Variants in HLCS observed in about 807,000 individuals in gnomAD.
HLCS encodes holocarboxylase synthetase, also known as biotin--protein ligase.
HLCS carries 53 observed loss-of-function variants against 75.0 expected under a neutral mutation model. That is an observed-to-expected ratio of 0.71 (90% CI 0.57 to 0.89). HLCS has a LOEUF of 0.89. HLCS is among the 40% of genes least tolerant of loss of function. HLCS has a pLI of 0.00. For missense variants in HLCS, 966 were observed against 1,074.0 expected, an observed-to-expected ratio of 0.90 and a Z score of 1.41; for synonymous variants, 431 against 428.6, an observed-to-expected ratio of 1.01 and a Z score of -0.07.
chr21:36,789,757 C>G (rs2060802466), intron 6 of HLCS, among the ~76,000 whole-genome samples: 4 of 152,246 alleles, frequency 2.6e-5, no homozygotes. Flanking sequence ...AGATTTTAAT[C>G]TACGAATTAA....
chr21:36,883,688 C>A (rs2064325726), intron 6 of HLCS, among the ~76,000 whole-genome samples: 1 of 152,114 alleles, frequency 6.6e-6, no homozygotes, highest in South Asian at 2.1e-4. Flanking sequence ...AAGCACCTGT[C>A]TTCCTTGGTA....
At position 36,960,018 on chromosome 21, in the gene HLCS, G is replaced by C. The variant is rs182788895; in HGVS notation, c.330+2018C>G. Among the ~76,000 whole-genome samples the C allele has an allele frequency of 4.3e-3, 655 of 151,940 alleles. 3 individuals are homozygous for C. Among genetic ancestry groups the C allele is most frequent in the African/African-American group, 0.014 (597 of 41,358 alleles). On this transcript the variant is annotated intron_variant, in intron 2 of 10. Transcript: ENST00000674895. ...CCTCTTTGGGGCTCTGCGGTTCCCA[G>C]CGTCTCCATGCTTCCAGGTGCCACC...
At chr21:36,863,964 G>C (rs772652282) in intron 6 of HLCS, among the ~76,000 whole-genome samples, 1 of 152,166 alleles carries the variant, frequency 6.6e-6, no homozygotes, top group Non-Finnish European at 1.5e-5. Flanking sequence ...AAAGTTTTCC[G>C]TCTAAGCTAG....
chr21:36,896,600 A>T, intron 6 of HLCS: 1 of 529,952 alleles, frequency 1.9e-6, no homozygotes, highest in Non-Finnish European at 3.4e-6. Flanking sequence ...ATCAAAGAAC[A>T]TTCTGAGGGC....
intron 2 of HLCS, among the ~76,000 whole-genome samples, chr21:36,953,970 C>T (rs1052521312): frequency 2.0e-5 from 3 of 151,952 alleles, no homozygotes; most frequent in East Asian, 3.9e-4. Context: ...CTGGTGATGC[C>T]GGTGTACACA....
rs145445039 is a variant in HLCS at position 36,838,826 on chromosome 21, A to C, written c.1892+58034T>G. On this transcript the variant is annotated intron_variant, in intron 6 of 10. Coordinates refer to ENST00000674895, the MANE Select transcript of HLCS (RefSeq NM_001352514.2). ...ATAGCCACAAGCCAAGGAATGCCTA[A>C]AGCCACAAGAAGCTGGAAGGGGCAA... is the stretch of plus-strand genomic sequence containing the variant. Among the ~76,000 whole-genome samples the C allele has an allele frequency of 1.4e-3, 218 of 152,326 alleles. 2 individuals carry two copies. Among genetic ancestry groups the C allele is most frequent in the African/African-American group, 5.1e-3 (210 of 41,582 alleles).
At chr21:36,764,651 G>A (rs190486998) in intron 8 of HLCS, among the ~76,000 whole-genome samples, 2 of 152,310 alleles carry the variant, frequency 1.3e-5, no homozygotes, top group East Asian at 1.9e-4. Context: ...GTTGCAGTGA[G>A]CCGAGATAGT....
chr21:36,881,435 G>A (rs890387914), intron 6 of HLCS, among the ~76,000 whole-genome samples: 2 of 152,166 alleles, frequency 1.3e-5, no homozygotes, highest in Non-Finnish European at 2.9e-5. Context: ...CAATTACTCA[G>A]CCACCACTAC....
chr21:36,882,919 C>A (rs111234526), intron 6 of HLCS, among the ~76,000 whole-genome samples: 2,521 of 152,286 alleles, frequency 0.017, 45 homozygotes, highest in South Asian at 0.032. Context: ...CTTCTCATCT[C>A]CTTGCCCTTC....
rs34407031 is a variant in HLCS at position 36,816,395 on chromosome 21, C to CAA, written c.1893-49112_1893-49111dup. On this transcript the variant is annotated intron_variant, in intron 6 of 10. Coordinates refer to ENST00000674895, the MANE Select transcript of HLCS (RefSeq NM_001352514.2). The stretch of plus-strand genomic sequence containing the variant: ...TGGGTGACAAAGGAAGACCCTATCT[C>CAA]AAAAAAAAAAAAAATGTGACTGTCA... Among the ~76,000 whole-genome samples the CAA allele has an allele frequency of 8.7e-3, 1,236 of 142,080 alleles. 13 individuals carry two copies. The highest frequency in any genetic ancestry group is 0.026 in the African/African-American group (995 of 39,002). 93.2% of individuals were successfully genotyped at this position (142,080 alleles called of 152,430 possible). A position where few individuals can be genotyped will look rare whatever the true frequency, so the allele number is the denominator to read the frequency against.
intron 4 of HLCS, among the ~76,000 whole-genome samples, chr21:36,935,298 G>A (rs2066829445): frequency 1.3e-5 from 2 of 152,216 alleles, no homozygotes; most frequent in East Asian, 1.9e-4. Context: ...TGGGCTGTAC[G>A]TGTTCATCTG....
chr21:36,831,580 G>A lies in HLCS; in HGVS notation c.1893-64295C>T, dbSNP rs537228916. Among the ~76,000 whole-genome samples, 3 of 152,166 alleles carry A rather than the reference G, an allele frequency of 2.0e-5. No homozygotes were observed. The South Asian group carries it at 6.2e-4, about 32-fold the overall frequency. The stretch of plus-strand genomic sequence containing the variant: ...CACCTGTAGTCCCAGCTACTCAGGA[G>A]GCTGAGGTAGGAGAATCACTTGAAC... On this transcript the variant is annotated intron_variant, in intron 6 of 10. Transcript: ENST00000674895.
intron 1 of HLCS, 94 bp from the exon 2 acceptor site, chr21:36,962,264 T>A: frequency 1.2e-6 from 1 of 824,516 alleles, no homozygotes. Context: ...TCCCCTATAA[T>A]TCCAAGTGAC....
At chr21:36,813,169 G>A (rs1020058091) in intron 6 of HLCS, among the ~76,000 whole-genome samples, 9 of 152,308 alleles carry the variant, frequency 5.9e-5, no homozygotes, top group East Asian at 1.9e-4. Context: ...TTGCTGTAAC[G>A]AGGAATGTCA....
chr21:36,925,607 A>C (rs905985299), intron 5 of HLCS, among the ~76,000 whole-genome samples: 1 of 152,176 alleles, frequency 6.6e-6, no homozygotes, highest in Non-Finnish European at 1.5e-5. Context: ...GGGGGGACCA[A>C]AAGGGGTCCA....
intron 6 of HLCS, among the ~76,000 whole-genome samples, chr21:36,778,063 G>A (rs963419274): frequency 6.6e-6 from 1 of 152,052 alleles, no homozygotes; most frequent in Admixed American, 6.6e-5. Context: ...CCACCTCCCG[G>A]GTTCACACCA....
At chr21:36,979,272 CAAA>C (rs35662012) in intron 1 of HLCS, among the ~76,000 whole-genome samples, 47,759 of 108,950 alleles carry the variant, frequency 0.44, 7,941 homozygotes, top group East Asian at 0.56. Context: ...GACTCAGTCT[CAAA>C]AAAAAAAAAA....
intron 1 of HLCS, among the ~76,000 whole-genome samples, chr21:36,965,727 T>TG (rs961372651): frequency 1.5e-5 from 2 of 131,486 alleles, no homozygotes; most frequent in Non-Finnish European, 3.2e-5. Flanking sequence ...GTTTTTTGTT[T>TG]GGGATTTTTT....
At chr21:36,808,916 A>G (rs1325408697) in intron 6 of HLCS, among the ~76,000 whole-genome samples, 1 of 152,178 alleles carries the variant, frequency 6.6e-6, no homozygotes, top group Non-Finnish European at 1.5e-5. Context: ...TCTACAAGAT[A>G]TAAAATTCTG....
Sources: allele counts gnomAD v4.1 joint callset (sites outside exome capture counted in the v4.1 genomes callset), GRCh38; gene constraint gnomAD v4.1.1; transcripts MANE v1.5; gene names NCBI Gene and HGNC (gene_info 2026-07-23, HGNC 2026-07-21).